The following C2CD5 variants were observed in gnomAD, a reference collection of about 807,000 sequenced individuals.
C2CD5 encodes the protein C2 domain-containing protein 5.
Under a neutral mutation model 130.3 loss-of-function variants are expected in C2CD5, and 109 were observed. The observed-to-expected ratio is 0.84, with a 90% confidence interval of 0.72 to 0.98. C2CD5 has a LOEUF of 0.98. Among genes scored for constraint, C2CD5 ranks in the 50% least tolerant of loss-of-function variants. The probability of loss-of-function intolerance (pLI) is 0.00; values close to 1 mark genes in which losing one functional copy is unlikely to be tolerated. For synonymous variants in C2CD5, 454 were observed against 429.2 expected, an observed-to-expected ratio of 1.06 and a Z score of -0.71; for missense variants, 996 against 1,261.8, an observed-to-expected ratio of 0.79 and a Z score of 3.19.
intron 17 of C2CD5, 88 bp downstream of exon 17, chr12:22,472,656 T>C: frequency 1.2e-6 from 1 of 839,942 alleles, no homozygotes; most frequent in Non-Finnish European, 2.1e-6. Flanking sequence ...AGTCCTTCTT[T>C]TAAAGTAAAA....
chr12:22,527,065 A>G (rs1950783260), intron 4 of C2CD5, among the ~76,000 whole-genome samples: 1 of 152,190 alleles, frequency 6.6e-6, no homozygotes, highest in Admixed American at 6.5e-5. Flanking sequence ...ACTGCCCGGG[A>G]GGCCCTGCTT....
At chr12:22,520,443 G>C (rs1231781946) in intron 7 of C2CD5, among the ~76,000 whole-genome samples, 3 of 152,078 alleles carry the variant, frequency 2.0e-5, no homozygotes, top group Admixed American at 6.5e-5. Context: ...ACTACTTTAT[G>C]AAAATATTAC....
In C2CD5 at chr12:22,490,200, T is replaced by C. The variant is rs2136428782; in HGVS notation, c.1281A>G (p.Leu427=). 6.2e-7 allele frequency: 1 copy of C among 1,612,942 alleles called. No individual in the cohort carries two copies. The highest frequency in any genetic ancestry group is 8.5e-7 in the Non-Finnish European group (1 of 1,179,052). Residue 427 remains leucine (L), a synonymous_variant, in exon 12 of 27, where the codon TTA becomes TTG. Coordinates refer to ENST00000446597, the MANE Select transcript of C2CD5 (RefSeq NM_001286176.2). ...GTACAGCCGCTGTGCCAGATGCAGA[T>C]AAAATGCAGACCTCTTCACTATAAA... ...STSICEEVCI[L]SASGTAAVLN...
At chr12:22,451,688 T>C (rs1237584869) in intron 26 of C2CD5, among the ~76,000 whole-genome samples, 1 of 146,380 alleles carries the variant, frequency 6.8e-6, no homozygotes, top group East Asian at 2.0e-4. Flanking sequence ...GTACTAGAAA[T>C]GAAAAAAGAA....
At position 22,510,342 on chromosome 12, in the gene C2CD5, G is replaced by T. The variant is rs1307913414; in HGVS notation, c.1038+2952C>A. 2.0e-5 allele frequency among the ~76,000 whole-genome samples: 3 copies of T among 152,118 alleles called. No homozygotes were observed. In the East Asian group the frequency reaches 5.8e-4, roughly 29 times the overall value. ...TCATATTTAAAGTAGCTTTCCCTGTGGTACCTAGATAAAGTTACATGCTGA... is the reference window on the plus strand; with the variant it reads ...TCATATTTAAAGTAGCTTTCCCTGTTGTACCTAGATAAAGTTACATGCTGA... On this transcript the variant is annotated intron_variant, in intron 9 of 26. Coordinates refer to ENST00000446597, the MANE Select transcript of C2CD5 (RefSeq NM_001286176.2).
chr12:22,528,718 T>A (rs1950947190), intron 3 of C2CD5, among the ~76,000 whole-genome samples: 1 of 152,178 alleles, frequency 6.6e-6, no homozygotes, highest in African/African-American at 2.4e-5. Flanking sequence ...TACCATACTA[T>A]TAAGACTGAG....
At chr12:22,523,678 T>C (rs1950467815) in intron 6 of C2CD5, 54 bp from the exon 7 acceptor site, 1 of 1,307,654 alleles carries the variant, frequency 7.6e-7, no homozygotes. Context: ...TTACATACTA[T>C]AAGACTGGAC....
intron 3 of C2CD5, 66 bp from the exon 4 acceptor site, chr12:22,527,958 CTATATCAAATGAAAA>C (rs1318351561): frequency 1.3e-5 from 11 of 875,436 alleles, no homozygotes; most frequent in Non-Finnish European, 1.8e-5. Context: ...AAATGTATAC[CTATATCAAATGAAAA>C]GGATGACACA....
At chr12:22,455,348 A>G (rs535352619) in intron 25 of C2CD5, among the ~76,000 whole-genome samples, 1 of 152,210 alleles carries the variant, frequency 6.6e-6, no homozygotes, top group African/African-American at 2.4e-5. Flanking sequence ...GGCAATTAAC[A>G]CATTTGGGAT....
intron 9 of C2CD5, among the ~76,000 whole-genome samples, chr12:22,511,128 T>C (rs1490890601): frequency 7.2e-6 from 1 of 139,576 alleles, no homozygotes; most frequent in Non-Finnish European, 1.5e-5. Context: ...ACTACTTGAA[T>C]AATCCGTAAA....
intron 22 of C2CD5, among the ~76,000 whole-genome samples, chr12:22,459,824 T>C (rs1940737594): frequency 6.6e-6 from 1 of 152,106 alleles, no homozygotes; most frequent in Non-Finnish European, 1.5e-5. Context: ...AATATAAACA[T>C]AGTAACGAAT....
rs899912804 is a variant in C2CD5, at chr12:22,474,983, G to A, written c.1903-92C>T. ...ATATTAGTAGACACCTACCTGTGGA[G>A]AAAAAGCCTGTAAAATATACTCAGT... On this transcript the variant is annotated intron_variant, in intron 15 of 26. Coordinates refer to ENST00000446597, the MANE Select transcript of C2CD5 (RefSeq NM_001286176.2). 39 of 763,546 alleles carry A rather than the reference G, an allele frequency of 5.1e-5. No individual in the cohort carries two copies. In the African/African-American group the frequency reaches 6.4e-4, roughly 12 times the overall value. The allele number at this position is 763,546 out of a possible 1,614,324, so 47.3% of individuals were successfully genotyped here.
chr12:22,457,256 TGTCTGTGAGGCTAAGCCATGTCATGAAA>T, intron 24 of C2CD5, 95 bp from the exon 25 acceptor site: 1 of 762,332 alleles, frequency 1.3e-6, no homozygotes, highest in Non-Finnish European at 2.1e-6. Context: ...AACATTCAGC[TGTCTGTGAGGCTAAGCCATGTCATGAAA>T]GAAAAGAAAT....
intron 5 of C2CD5, 82 bp from the exon 6 acceptor site, chr12:22,524,709 C>A: frequency 1.1e-6 from 1 of 920,154 alleles, no homozygotes; most frequent in Non-Finnish European, 1.7e-6. Context: ...ATTTTCTGAC[C>A]TTTAGATACA....
intron 14 of C2CD5, among the ~76,000 whole-genome samples, chr12:22,481,211 T>C (rs994297435): frequency 2.0e-5 from 3 of 152,182 alleles, no homozygotes; most frequent in Admixed American, 6.5e-5. Flanking sequence ...ACAATTATCC[T>C]CTACATACAA....
chr12:22,451,769 A>AG (rs1938673066), intron 26 of C2CD5, among the ~76,000 whole-genome samples: 1 of 152,068 alleles, frequency 6.6e-6, no homozygotes, highest in Non-Finnish European at 1.5e-5. Flanking sequence ...AGGAGAGGTG[A>AG]GGGGGGCAAC....
intron 9 of C2CD5, among the ~76,000 whole-genome samples, chr12:22,511,888 A>C (rs1949237833): frequency 6.6e-6 from 1 of 151,994 alleles, no homozygotes; most frequent in South Asian, 2.1e-4. Context: ...CTTGTGAAAA[A>C]CTCTGTAGAG....
intron 21 of C2CD5, among the ~76,000 whole-genome samples, chr12:22,470,092 T>C (rs1942778486): frequency 6.6e-6 from 1 of 152,126 alleles, no homozygotes; most frequent in African/African-American, 2.4e-5. Context: ...TATCCTATAC[T>C]TTGTCCATTA....
chr12:22,480,793 T>C (rs754164730), intron 14 of C2CD5, among the ~76,000 whole-genome samples: 1 of 151,870 alleles, frequency 6.6e-6, no homozygotes, highest in Non-Finnish European at 1.5e-5. Context: ...TTACTCTAAG[T>C]ATAAAAGAAA....
Sources: allele counts gnomAD v4.1 joint callset (sites outside exome capture counted in the v4.1 genomes callset), GRCh38; gene constraint gnomAD v4.1.1; transcripts MANE v1.5; gene names NCBI Gene and HGNC (gene_info 2026-07-23, HGNC 2026-07-21).